Variants in DNAH8 observed in about 807,000 individuals in gnomAD.
DNAH8 encodes the protein dynein axonemal heavy chain 8.
DNAH8 carries 382 observed loss-of-function variants against 562.1 expected under a neutral mutation model. The ratio of observed to expected loss-of-function variants is 0.68; its 90% CI spans 0.63 to 0.74. The LOEUF is 0.74. Among genes scored for constraint, DNAH8 ranks in the 30% least tolerant of loss-of-function variants. DNAH8 has a pLI of 0.00. For missense variants in DNAH8, 5,203 were observed against 5,620.4 expected (o/e 0.93, Z 2.37); for synonymous variants, 1,881 against 1,919.4 (o/e 0.98, Z 0.52).
intron 88 of DNAH8, among the ~76,000 whole-genome samples, chr6:39,000,635 C>G (rs531823864): frequency 1.3e-5 from 2 of 152,238 alleles, no homozygotes; most frequent in East Asian, 3.9e-4. Context: ...CAGATGGGAC[C>G]GTCTAGTTTC....
At chr6:38,781,060 A>G (rs1768541852) in intron 15 of DNAH8, among the ~76,000 whole-genome samples, 194 bp from the exon 16 acceptor site, 1 of 152,182 alleles carries the variant, frequency 6.6e-6, no homozygotes, top group Non-Finnish European at 1.5e-5. Context: ...TGAAGAGAAA[A>G]TTAAGTGTCG....
At chr6:39,027,035 AC>A (rs1767342269) in intron 92 of DNAH8, among the ~76,000 whole-genome samples, 1 of 151,922 alleles carries the variant, frequency 6.6e-6, no homozygotes, top group Admixed American at 6.6e-5. Context: ...AGCCTAGGCA[AC>A]ACTGGGAGAC....
chr6:39,005,749 A>G (rs911439656), intron 88 of DNAH8, among the ~76,000 whole-genome samples: 1 of 152,238 alleles, frequency 6.6e-6, no homozygotes, highest in African/African-American at 2.4e-5. Context: ...AGCAATTAGA[A>G]GACACTTTTC....
At chr6:38,788,352 A>G (rs1029735050) in intron 18 of DNAH8, among the ~76,000 whole-genome samples, 1 of 152,106 alleles carries the variant, frequency 6.6e-6, no homozygotes, top group Non-Finnish European at 1.5e-5. Context: ...GGGTTTCACC[A>G]TGTTGGCCAG....
intron 91 of DNAH8, 66 bp from the exon 92 acceptor site, chr6:39,026,480 T>C (rs1767292994): frequency 1.3e-6 from 2 of 1,505,864 alleles, no homozygotes; most frequent in Non-Finnish European, 1.8e-6. Flanking sequence ...CACTTAACAT[T>C]GCTTCCTTCT....
rs568088494 is a variant in DNAH8, at chr6:38,821,342, A to G, written c.3524-1496A>G. 6.3e-4 allele frequency among the ~76,000 whole-genome samples: 96 copies of G among 152,338 alleles called. No homozygotes were observed. The Middle Eastern group carries it at 0.017, about 27-fold the overall frequency. ...TGAAAGTTATTCTATGAAGAGATAC[A>G]TCATGCTCATGGGTTGGAAGATCTA... On this transcript the variant is annotated intron_variant, in intron 26 of 92. Coordinates refer to ENST00000327475, the MANE Select transcript of DNAH8 (RefSeq NM_001206927.2).
chr6:38,764,306 T>G (rs1238324154), intron 11 of DNAH8: 5 of 153,624 alleles, frequency 3.3e-5, no homozygotes, highest in Non-Finnish European at 7.3e-5. Flanking sequence ...AGAGGAGCAT[T>G]GGTCTGCAGT....
intron 85 of DNAH8, among the ~76,000 whole-genome samples, chr6:38,981,114 T>C (rs1438609560): frequency 2.6e-5 from 4 of 151,324 alleles, no homozygotes; most frequent in Non-Finnish European, 4.4e-5. Context: ...TACTTAGAGG[T>C]AAAAGAGTAG....
At position 38,738,028 on chromosome 6, in the gene DNAH8, C is replaced by T. The variant is rs952487963; in HGVS notation, c.1116+56C>T. On this transcript the variant is annotated intron_variant, in intron 7 of 92. Coordinates refer to ENST00000327475, the MANE Select transcript of DNAH8 (RefSeq NM_001206927.2). ...TAGTAGTTTTCATGTGCATCCTAGC[C>T]ATTGTATTTTGTCTCTAACAGCAAA... 3.9e-6 allele frequency: 6 copies of T among 1,547,206 alleles called. No homozygotes were observed. The African/African-American group carries it at 5.6e-5, about 14-fold the overall frequency.
chr6:38,781,987 C>T (rs897911210), intron 16 of DNAH8, among the ~76,000 whole-genome samples: 4 of 152,042 alleles, frequency 2.6e-5, no homozygotes, highest in Non-Finnish European at 4.4e-5. Context: ...TGCTTGATCT[C>T]GTGCCCTTTG....
intron 66 of DNAH8, among the ~76,000 whole-genome samples, chr6:38,912,818 C>A (rs1474989429): frequency 1.4e-5 from 2 of 142,618 alleles, no homozygotes; most frequent in Non-Finnish European, 3.1e-5. Flanking sequence ...TTTTTTTTTT[C>A]TTTTTCTTTG....
At chr6:38,967,285 C>T (rs1040433841) in intron 82 of DNAH8, among the ~76,000 whole-genome samples, 21 of 150,602 alleles carry the variant, frequency 1.4e-4, no homozygotes, top group African/African-American at 5.1e-4. Flanking sequence ...CTAGATAGGG[C>T]AATCAGACCA....
chr6:38,930,775 C>T (rs950866587), intron 75 of DNAH8, among the ~76,000 whole-genome samples: 4 of 152,118 alleles, frequency 2.6e-5, no homozygotes. Flanking sequence ...ATTTGGTATA[C>T]ATATACGTTG....
At chr6:38,903,975 C>T (rs893806652) in intron 62 of DNAH8, among the ~76,000 whole-genome samples, 11 of 152,134 alleles carry the variant, frequency 7.2e-5, no homozygotes, top group African/African-American at 2.7e-4. Flanking sequence ...CAATGCATGA[C>T]TGTACTTACC....
chr6:38,934,809 G>A (rs754749015), intron 76 of DNAH8, among the ~76,000 whole-genome samples: 3 of 152,016 alleles, frequency 2.0e-5, no homozygotes, highest in Non-Finnish European at 2.9e-5. Flanking sequence ...TGACATCCAC[G>A]AGTGATTCAG....
rs1416527874 is a variant in DNAH8 at position 38,815,549 on chromosome 6, G to A, written c.3415G>A (p.Ala1139Thr). The A allele has an allele frequency of 4.3e-6, 7 of 1,613,842 alleles. No individual in the cohort carries two copies. In the African/African-American group the frequency reaches 5.3e-5, roughly 12 times the overall value. The change falls in exon 26 of 93, where the codon GCT becomes ACT. Residue 1139 changes from alanine (A) to threonine (T), a missense_variant. Ala to Thr is a moderately conservative substitution (Grantham distance 58, BLOSUM62 0). Transcript: ENST00000327475. The stretch of plus-strand genomic sequence containing the variant: ...AACCCTGGAGGTCAGCAGAGGAGTG[G>A]CTCACTGGGGGCAACAGCAAATCCG... Reference protein sequence around the residue: ...QLTLEVSRGVAHWGQQQIRPI... With the variant: ...QLTLEVSRGVTHWGQQQIRPI...
chr6:38,855,937 G>T (rs374222589), intron 41 of DNAH8, among the ~76,000 whole-genome samples: 10 of 152,124 alleles, frequency 6.6e-5, no homozygotes, highest in Admixed American at 1.3e-4. Context: ...AAGGTTGTGC[G>T]CTGCTTATGT....
chr6:38,999,934 A>ACACAC (rs1765374986), intron 88 of DNAH8, among the ~76,000 whole-genome samples: 8 of 146,662 alleles, frequency 5.5e-5, no homozygotes, highest in Non-Finnish European at 1.2e-4. Flanking sequence ...CACACACACA[A>ACACAC]ACACACACAC....
intron 26 of DNAH8, among the ~76,000 whole-genome samples, chr6:38,816,709 A>G (rs1394103634): frequency 3.3e-5 from 5 of 152,222 alleles, no homozygotes; most frequent in African/African-American, 1.2e-4. Flanking sequence ...CCAACAGTGT[A>G]AAAGCATTCC....
Sources: allele counts gnomAD v4.1 joint callset (sites outside exome capture counted in the v4.1 genomes callset), GRCh38; gene constraint gnomAD v4.1.1; transcripts MANE v1.5; gene names NCBI Gene and HGNC (gene_info 2026-07-23, HGNC 2026-07-21).